The following KCNQ2 variants were observed in gnomAD, a reference collection of about 807,000 sequenced individuals.
KCNQ2 encodes the protein potassium voltage-gated channel subfamily Q member 2, also known as potassium voltage-gated channel subfamily KQT member 2.
Under a neutral mutation model 84.8 loss-of-function variants are expected in KCNQ2, and 14 were observed. The observed-to-expected ratio is 0.17, with a 90% CI of 0.11 to 0.26. KCNQ2 has a LOEUF of 0.26. Ranked by LOEUF, KCNQ2 falls within the 10% of genes least tolerant of loss-of-function variation. The pLI, the probability that KCNQ2 is intolerant of heterozygous loss-of-function variation, is 1.00. For synonymous variants in KCNQ2, 599 were observed against 554.1 expected, an observed-to-expected ratio of 1.08 and a Z score of -1.14; for missense variants, 788 against 1,254.0, an observed-to-expected ratio of 0.63 and a Z score of 5.61.
chr20:63,406,614 C>A lies in KCNQ2; in HGVS notation c.*30G>T. The A allele has an allele frequency of 6.4e-7, 1 of 1,566,394 alleles. No individual in the cohort carries two copies. The highest frequency in any genetic ancestry group is 1.2e-5 in the South Asian group (1 of 86,856). On this transcript the variant is annotated 3_prime_UTR_variant, in exon 17 of 17. Coordinates refer to ENST00000359125, the MANE Select transcript of KCNQ2 (RefSeq NM_172107.4). The stretch of plus-strand genomic sequence containing the variant: ...TCGGAGGCACCGTGCTGAGGAGGGC[C>A]GCGGGCGGGTCCACTGGCCCAGCGC...
chr20:63,436,606 G>C (rs1319927357), intron 7 of KCNQ2, among the ~76,000 whole-genome samples: 1 of 152,116 alleles, frequency 6.6e-6, no homozygotes, highest in African/African-American at 2.4e-5. Flanking sequence ...CAGCATCGAG[G>C]TGAGACCCCC....
chr20:63,422,957 G>A (rs1439008564), intron 11 of KCNQ2, among the ~76,000 whole-genome samples: 1 of 152,120 alleles, frequency 6.6e-6, no homozygotes, highest in Non-Finnish European at 1.5e-5. Flanking sequence ...AGCCAAGGGT[G>A]CCCATTGTGG....
At chr20:63,452,421 T>C (rs1470286094) in intron 1 of KCNQ2, among the ~76,000 whole-genome samples, 1 of 152,220 alleles carries the variant, frequency 6.6e-6, no homozygotes, top group African/African-American at 2.4e-5. Context: ...AGGCCTCAGC[T>C]GCTGGGACGA....
intron 1 of KCNQ2, chr20:63,459,648 G>A (rs1022895309): frequency 1.4e-4 from 22 of 152,324 alleles, no homozygotes; most frequent in African/African-American, 5.3e-4. Context: ...TTTTCAAATA[G>A]GGCTGGTGGC....
Position 63,438,810 on chromosome 20 carries a change from C to G in KCNQ2, c.928-90G>C, listed in dbSNP as rs1348033159. On this transcript the variant is annotated intron_variant, in intron 6 of 16. Coordinates refer to ENST00000359125, the MANE Select transcript of KCNQ2 (RefSeq NM_172107.4). This position sits in a 1 kb window ranked among gnomAD's most constrained non-coding sequence, Gnocchi z 5.1. ...ACCATGCTCTGGGGCCCCACACCCC[C>G]CCCAATTCATCAGGGTCAGACCACA... 21 of 981,944 alleles carry G rather than the reference C, an allele frequency of 2.1e-5. No individual in the cohort carries two copies. Among genetic ancestry groups the G allele is most frequent in the Non-Finnish European group, 3.0e-5 (19 of 633,156 alleles). The allele number at this position is 981,944 out of a possible 1,614,324, so 60.8% of individuals were successfully genotyped here.
chr20:63,472,395 G>T lies in KCNQ2; in HGVS notation c.69C>A (p.Gly23=), dbSNP rs557817471. Reference sequence around the variant, plus strand: ...GCGCGCCGGGGTCCAGCCCCACGAAGCCCACCTTCAGCTTCTTCTCCCCGC... The same window carrying T: ...GCGCGCCGGGGTCCAGCCCCACGAATCCCACCTTCAGCTTCTTCTCCCCGC... ...GPSGEKKLKV[G]FVGLDPGAPD... The change falls in exon 1 of 17, where the codon GGC becomes GGA. Residue 23 remains glycine (G), a synonymous_variant. Coordinates refer to ENST00000359125, the MANE Select transcript of KCNQ2 (RefSeq NM_172107.4). 6.5e-7 allele frequency: 1 copy of T among 1,537,098 alleles called. No homozygotes were observed. Among genetic ancestry groups the T allele is most frequent in the Admixed American group, 1.9e-5 (1 of 51,856 alleles).
At chr20:63,432,440 A>C (rs373819010) in intron 8 of KCNQ2, among the ~76,000 whole-genome samples, 1,477 of 21,492 alleles carry the variant, frequency 0.069, no homozygotes, top group Admixed American at 0.089. Context: ...TCAGGGAAGG[A>C]TCCACCCACA....
Position 63,408,458 on chromosome 20 carries a change from G to C in KCNQ2, c.1842C>G (p.Pro614=). The change falls in exon 16 of 17, where the codon CCC becomes CCG. Residue 614 remains proline (P), a synonymous_variant. Coordinates refer to ENST00000359125, the MANE Select transcript of KCNQ2 (RefSeq NM_172107.4). This position sits in a 1 kb window ranked among gnomAD's most constrained non-coding sequence, Gnocchi z 5.0. ...RTKGPAEAEL[P]EDPSMMGRLG... ...GCCGTCCCATCATGCTGGGGTCCTC[G>C]GGCAGCTCCGCCTCGGCCGGGCCCT... 2 of 1,608,696 alleles carry C rather than the reference G, an allele frequency of 1.2e-6. No individual in the cohort carries two copies. The highest frequency in any genetic ancestry group is 1.1e-5 in the South Asian group (1 of 90,384).
At chr20:63,437,027 C>T (rs1953078832) in intron 7 of KCNQ2, among the ~76,000 whole-genome samples, 4 of 152,208 alleles carry the variant, frequency 2.6e-5, no homozygotes, top group Admixed American at 2.6e-4. Flanking sequence ...GATCTGCCTG[C>T]CTCAGCCTCC....
chr20:63,410,233 C>T (rs2080081370), intron 15 of KCNQ2, among the ~76,000 whole-genome samples: 1 of 152,142 alleles, frequency 6.6e-6, no homozygotes, highest in Admixed American at 6.5e-5. Context: ...TCAGCACCTT[C>T]GCCCCTGCCA....
chr20:63,440,196 G>A (rs773154551), intron 5 of KCNQ2, among the ~76,000 whole-genome samples: 39 of 152,136 alleles, frequency 2.6e-4, no homozygotes, highest in Non-Finnish European at 4.0e-4. Context: ...GAGCCATGGC[G>A]GGGTGGGCTG....
At position 63,414,200 on chromosome 20, in the gene KCNQ2, G is replaced by A. The variant is rs761567082; in HGVS notation, c.1526-7C>T. On this transcript the variant is annotated splice_polypyrimidine_tract_variant and splice_region_variant and intron_variant, in intron 13 of 16. Transcript: ENST00000359125. This position sits in a 1 kb window ranked among gnomAD's most constrained non-coding sequence, Gnocchi z 6.6. The stretch of plus-strand genomic sequence containing the variant: ...TCTCCGGGGAGGCTTGCTTCTGGGG[G>A]GAAGGAGACAGGCCGTGAGGGGCCG... 2 of 1,608,580 alleles carry A rather than the reference G, an allele frequency of 1.2e-6. No homozygotes were observed. Among genetic ancestry groups the A allele is most frequent in the Non-Finnish European group, 1.7e-6 (2 of 1,175,674 alleles).
Position 63,414,796 on chromosome 20 carries a change from C to T in KCNQ2, c.1525+107G>A. The T allele has an allele frequency of 3.7e-6, 4 of 1,091,812 alleles. No homozygotes were observed. In the South Asian group the frequency reaches 3.7e-5, roughly 10 times the overall value. 67.6% of individuals were successfully genotyped at this position (1,091,812 alleles called of 1,614,324 possible). ...TAGAAAGGATAGGGGGTTCCCACTC[C>T]AAGAGCAAGCAAAAGCAGCTGCGAC... On this transcript the variant is annotated intron_variant, in intron 13 of 16. Transcript: ENST00000359125. This position sits in a 1 kb window ranked among gnomAD's most constrained non-coding sequence, Gnocchi z 6.6.
chr20:63,467,298 C>T (rs989802048), intron 1 of KCNQ2, among the ~76,000 whole-genome samples: 1 of 152,238 alleles, frequency 6.6e-6, no homozygotes, highest in African/African-American at 2.4e-5. Context: ...GGAGGGAACC[C>T]ACTCTGTGTA....
intron 9 of KCNQ2, among the ~76,000 whole-genome samples, chr20:63,429,476 C>A (rs555806912): frequency 6.6e-6 from 1 of 152,150 alleles, no homozygotes; most frequent in Non-Finnish European, 1.5e-5. Context: ...TGACTCCCTA[C>A]GCGGCTATGG....
At chr20:63,417,875 C>T (rs907907264) in intron 12 of KCNQ2, among the ~76,000 whole-genome samples, 4 of 152,196 alleles carry the variant, frequency 2.6e-5, no homozygotes, top group African/African-American at 7.2e-5. Flanking sequence ...CAGGGGCCGC[C>T]GGGACGCAGC....
intron 12 of KCNQ2, among the ~76,000 whole-genome samples, chr20:63,415,551 G>A (rs1159996219): frequency 1.3e-5 from 2 of 151,056 alleles, no homozygotes; most frequent in Admixed American, 6.6e-5. Flanking sequence ...TGAGCACCCG[G>A]CGGGAGGGAG....
At chr20:63,440,909 A>C in intron 5 of KCNQ2, among the ~76,000 whole-genome samples, 1 of 151,734 alleles carries the variant, frequency 6.6e-6, no homozygotes. Flanking sequence ...TGGGGAGACT[A>C]AGCCAGGGCC....
rs1266718724 is a variant in KCNQ2, at chr20:63,419,677, A to C, written c.1248-5T>G. On this transcript the variant is annotated splice_polypyrimidine_tract_variant and splice_region_variant and intron_variant, in intron 11 of 16. Transcript: ENST00000359125. The stretch of plus-strand genomic sequence containing the variant: ...CCTCTGCACGGGCTGCCTTTACTGG[A>C]AATGAGGAGAGCACAGTTAGTCCTG... The C allele has an allele frequency of 3.1e-6, 5 of 1,609,732 alleles. No homozygotes were observed. Among genetic ancestry groups the C allele is most frequent in the Non-Finnish European group, 4.2e-6 (5 of 1,178,856 alleles).
Sources: gnomAD v4.1 joint callset for allele counts (sites outside exome capture counted in the v4.1 genomes callset) on GRCh38, gnomAD v4.1.1 for gene constraint, Gnocchi (gnomAD v3.1) non-coding constraint, MANE v1.5 for transcripts, NCBI Gene and HGNC (gene_info 2026-07-23, HGNC 2026-07-21) for gene names.